MAPKAPK5: variants seen among roughly 807,000 people sequenced by gnomAD.
MAPKAPK5 encodes the protein MAP kinase-activated protein kinase 5.
MAPKAPK5 carries 30 observed loss-of-function variants against 65.1 expected under a neutral mutation model. The observed-to-expected ratio is 0.46, with a 90% confidence interval of 0.34 to 0.63. The LOEUF is 0.63. Ranked by LOEUF, MAPKAPK5 falls within the 20% of genes least tolerant of loss-of-function variation. The pLI, the probability that MAPKAPK5 is intolerant of heterozygous loss-of-function variation, is 0.01. For missense variants in MAPKAPK5, 433 were observed against 581.4 expected, an observed-to-expected ratio of 0.74 and a Z score of 2.63; for synonymous variants, 179 against 204.6, an observed-to-expected ratio of 0.87 and a Z score of 1.07.
At chr12:111,848,965 A>G (rs1478112905) in intron 1 of MAPKAPK5, among the ~76,000 whole-genome samples, 1 of 151,856 alleles carries the variant, frequency 6.6e-6, no homozygotes, top group Non-Finnish European at 1.5e-5. Flanking sequence ...GGTCTTCACC[A>G]TGTTGACCAG....
At chr12:111,857,198 T>C (rs1049258653) in intron 1 of MAPKAPK5, among the ~76,000 whole-genome samples, 1 of 152,072 alleles carries the variant, frequency 6.6e-6, no homozygotes, top group African/African-American at 2.4e-5. Flanking sequence ...TGTTTACCTG[T>C]TCTAGTACTT....
At chr12:111,851,587 A>C (rs925552426) in intron 1 of MAPKAPK5, among the ~76,000 whole-genome samples, 2 of 152,168 alleles carry the variant, frequency 1.3e-5, no homozygotes, top group Non-Finnish European at 2.9e-5. Flanking sequence ...CAGCCTCCCA[A>C]AGTGCTGGGA....
intron 1 of MAPKAPK5, among the ~76,000 whole-genome samples, chr12:111,861,431 C>T (rs1312463447): frequency 6.6e-6 from 1 of 151,922 alleles, no homozygotes; most frequent in African/African-American, 2.4e-5. Context: ...CAGGCTCAAG[C>T]GATTCTCCTG....
At chr12:111,890,823 A>G (rs1238444808) in intron 13 of MAPKAPK5, among the ~76,000 whole-genome samples, 1 of 151,890 alleles carries the variant, frequency 6.6e-6, no homozygotes, top group African/African-American at 2.4e-5. Context: ...ATGCCCAGCT[A>G]ATTTTTGTAT....
chr12:111,858,392 T>TACAAC (rs1415085820), intron 1 of MAPKAPK5, among the ~76,000 whole-genome samples: 3 of 152,208 alleles, frequency 2.0e-5, no homozygotes, highest in Non-Finnish European at 4.4e-5. Context: ...GCTCTCCCAT[T>TACAAC]ACACATATGT....
rs1434564762 is a variant in MAPKAPK5, at chr12:111,842,605, A to G, written c.-129A>G. The G allele has an allele frequency of 3.7e-6, 2 of 541,360 alleles. No individual in the cohort carries two copies. Among genetic ancestry groups the G allele is most frequent in the African/African-American group, 2.0e-5 (1 of 50,638 alleles). The allele number at this position is 541,360 out of a possible 1,614,324, so 33.5% of individuals were successfully genotyped here. On this transcript the variant is annotated 5_prime_UTR_variant, in exon 1 of 14. Transcript: ENST00000550735. ...GGGGTCCTCATCCCCACCGGTCCCG[A>G]GGGGCGGCTGCTGCCCGTCGCCACG...
At chr12:111,849,376 C>T (rs1301497532) in intron 1 of MAPKAPK5, among the ~76,000 whole-genome samples, 1 of 152,128 alleles carries the variant, frequency 6.6e-6, no homozygotes, top group African/African-American at 2.4e-5. Flanking sequence ...CTGCCTCAGC[C>T]TCCCAAGTAG....
intron 8 of MAPKAPK5, 142 bp downstream of exon 8, chr12:111,880,669 A>G (rs1423961609): frequency 1.5e-6 from 1 of 683,450 alleles, no homozygotes; most frequent in Non-Finnish European, 2.5e-6. Flanking sequence ...GACTCGCAGA[A>G]AAGTATTTGG....
At chr12:111,867,528 T>G (rs780401254) in intron 3 of MAPKAPK5, 44 bp from the exon 4 acceptor site, 77 of 1,419,554 alleles carry the variant, frequency 5.4e-5, no homozygotes, top group Non-Finnish European at 7.6e-5. Context: ...GAGAAAATGT[T>G]GGTATCCCCT....
intron 10 of MAPKAPK5, 63 bp downstream of exon 10, chr12:111,886,099 G>A (rs1338536877): frequency 2.5e-6 from 4 of 1,611,276 alleles, no homozygotes; most frequent in Non-Finnish European, 3.4e-6. Flanking sequence ...GCTGGGGCTT[G>A]GCTCAGTGAG....
intron 1 of MAPKAPK5, among the ~76,000 whole-genome samples, chr12:111,857,481 G>A (rs564383529): frequency 6.4e-4 from 97 of 152,264 alleles, no homozygotes; most frequent in Middle Eastern, 6.8e-3. Flanking sequence ...TTGAACTCCT[G>A]ACCTCAGGTG....
At chr12:111,870,436 C>T (rs1001296261) in intron 6 of MAPKAPK5, 76 bp downstream of exon 6, 2 of 1,208,114 alleles carry the variant, frequency 1.7e-6, no homozygotes, top group Non-Finnish European at 1.2e-6. Flanking sequence ...TTGGAGCGCT[C>T]TGAATTCATG....
chr12:111,863,250 G>C (rs1288360672), intron 1 of MAPKAPK5, among the ~76,000 whole-genome samples: 1 of 152,148 alleles, frequency 6.6e-6, no homozygotes, highest in African/African-American at 2.4e-5. Context: ...TTTGTATAGC[G>C]ATCTTTTGGG....
chr12:111,871,047 C>A, intron 6 of MAPKAPK5, 38 bp from the exon 7 acceptor site: 1 of 1,494,044 alleles, frequency 6.7e-7, no homozygotes, highest in Non-Finnish European at 9.3e-7. Flanking sequence ...GTTTACTGAG[C>A]ACTCTGGAGC....
chr12:111,844,399 G>A (rs1023534329), intron 1 of MAPKAPK5, among the ~76,000 whole-genome samples: 2 of 151,970 alleles, frequency 1.3e-5, no homozygotes, highest in African/African-American at 2.4e-5. Context: ...CACTGTGTTA[G>A]CCAGGATGGT....
chr12:111,866,288 T>C, intron 3 of MAPKAPK5, 57 bp downstream of exon 3: 1 of 1,488,110 alleles, frequency 6.7e-7, no homozygotes, highest in Non-Finnish European at 9.2e-7. Context: ...AATTGTTCTT[T>C]TGCAAGTAAG....
intron 7 of MAPKAPK5, 59 bp downstream of exon 7, chr12:111,871,239 TC>T (rs1222906667): frequency 7.2e-7 from 1 of 1,397,376 alleles, no homozygotes; most frequent in African/African-American, 1.4e-5. Context: ...CAACTCGTGT[TC>T]CTTCTATTCT....
intron 1 of MAPKAPK5, among the ~76,000 whole-genome samples, chr12:111,859,040 A>G (rs2136090792): frequency 1.4e-5 from 2 of 147,242 alleles, no homozygotes; most frequent in African/African-American, 5.0e-5. Flanking sequence ...TGCTCAATCT[A>G]GTATCTGCAT....
At chr12:111,850,732 G>A (rs1441456000) in intron 1 of MAPKAPK5, among the ~76,000 whole-genome samples, 3 of 152,164 alleles carry the variant, frequency 2.0e-5, no homozygotes, top group Admixed American at 6.6e-5. Context: ...ATTTAAGGCA[G>A]GAAGAGCTAG....
Sources: allele counts gnomAD v4.1 joint callset (sites outside exome capture counted in the v4.1 genomes callset), GRCh38; gene constraint gnomAD v4.1.1; transcripts MANE v1.5; gene names NCBI Gene and HGNC (gene_info 2026-07-23, HGNC 2026-07-21).